Variants in TXNDC11 observed in about 807,000 individuals in gnomAD.
TXNDC11 encodes thioredoxin domain-containing protein 11.
Under a neutral mutation model 78.0 loss-of-function variants are expected in TXNDC11, and 68 were observed. The ratio of observed to expected loss-of-function variants is 0.87; its 90% CI spans 0.72 to 1.07. The LOEUF (loss-of-function observed/expected upper bound fraction) is 1.07. Among genes scored for constraint, TXNDC11 ranks in the 50% least tolerant of loss-of-function variants. TXNDC11 has a pLI of 0.00. For synonymous variants in TXNDC11, 571 were observed against 495.2 expected, an observed-to-expected ratio of 1.15 and a Z score of -2.03; for missense variants, 1,389 against 1,221.8, an observed-to-expected ratio of 1.14 and a Z score of -2.04.
chr16:11,700,329 A>G (rs2050976129), intron 6 of TXNDC11, 123 bp downstream of exon 6: 1 of 483,740 alleles, frequency 2.1e-6, no homozygotes, highest in South Asian at 4.4e-5. Flanking sequence ...CCATCCATAT[A>G]TAAAATCATA....
intron 2 of TXNDC11, 82 bp from the exon 3 acceptor site, chr16:11,734,161 TA>T (rs1454135829): frequency 1.0e-6 from 1 of 958,774 alleles, no homozygotes; most frequent in African/African-American, 1.7e-5. Flanking sequence ...AATTTAAAAA[TA>T]GAATGATTCC....
chr16:11,726,579 C>CAAAAA (rs35512803), intron 4 of TXNDC11, among the ~76,000 whole-genome samples: 1 of 82,996 alleles, frequency 1.2e-5, no homozygotes, highest in Admixed American at 1.5e-4. Flanking sequence ...GACTCCACCT[C>CAAAAA]AAAAAAAAAA....
intron 2 of TXNDC11, among the ~76,000 whole-genome samples, chr16:11,735,338 T>C (rs2052188341): frequency 6.6e-6 from 1 of 152,174 alleles, no homozygotes; most frequent in South Asian, 2.1e-4. Flanking sequence ...CATACTAAAA[T>C]ATATATCATT....
chr16:11,726,961 G>T (rs535410005), intron 4 of TXNDC11, among the ~76,000 whole-genome samples: 6 of 152,046 alleles, frequency 3.9e-5, no homozygotes, highest in Non-Finnish European at 8.8e-5. Context: ...GCTGAGGCAC[G>T]AGAATCACCT....
intron 4 of TXNDC11, among the ~76,000 whole-genome samples, chr16:11,730,287 C>T (rs545651041): frequency 6.6e-6 from 1 of 152,204 alleles, no homozygotes; most frequent in Non-Finnish European, 1.5e-5. Context: ...CCAGGTATCT[C>T]ATAGTACAAT....
At chr16:11,689,426 G>T (rs1352709080) in intron 8 of TXNDC11, among the ~76,000 whole-genome samples, 2 of 152,150 alleles carry the variant, frequency 1.3e-5, no homozygotes, top group African/African-American at 4.8e-5. Context: ...ATGAAACCAA[G>T]AATTATTTCC....
intron 1 of TXNDC11, chr16:11,742,127 G>T: frequency 3.5e-6 from 1 of 283,928 alleles, no homozygotes; most frequent in Non-Finnish European, 6.5e-6. Context: ...GAAGCTTAAG[G>T]GGAATGAAAT....
At chr16:11,710,334 C>CAG (rs1036478228) in intron 5 of TXNDC11, among the ~76,000 whole-genome samples, 1 of 92,952 alleles carries the variant, frequency 1.1e-5, no homozygotes, top group African/African-American at 5.1e-5. Flanking sequence ...AGGTCTCTGT[C>CAG]ACGTTCTCTT....
intron 5 of TXNDC11, 170 bp downstream of exon 5, chr16:11,721,407 C>G (rs1230830943): frequency 7.5e-6 from 3 of 399,248 alleles, no homozygotes; most frequent in African/African-American, 4.2e-5. Flanking sequence ...CCACTGCACT[C>G]CAGCCTGGGC....
At chr16:11,707,576 G>A (rs537673742) in intron 5 of TXNDC11, among the ~76,000 whole-genome samples, 1 of 151,784 alleles carries the variant, frequency 6.6e-6, no homozygotes, top group African/African-American at 2.4e-5. Flanking sequence ...AGCCTCCTGA[G>A]TAGCTAGGAT....
At chr16:11,704,761 G>A (rs970836788) in intron 5 of TXNDC11, among the ~76,000 whole-genome samples, 1 of 152,190 alleles carries the variant, frequency 6.6e-6, no homozygotes, top group Non-Finnish European at 1.5e-5. Context: ...GTCATAGGTT[G>A]AAGGAAACTG....
At chr16:11,710,867 CT>C (rs2051329766) in intron 5 of TXNDC11, among the ~76,000 whole-genome samples, 2 of 152,144 alleles carry the variant, frequency 1.3e-5, no homozygotes, top group Admixed American at 1.3e-4. Flanking sequence ...TCATTGGCCC[CT>C]GTCTATCTAT....
chr16:11,726,875 GAAACCCCATCTCTACTAA>G (rs2051896091), intron 4 of TXNDC11, among the ~76,000 whole-genome samples: 1 of 152,002 alleles, frequency 6.6e-6, no homozygotes, highest in African/African-American at 2.4e-5. Context: ...GCCAAATGGT[GAAACCCCATCTCTACTAA>G]AAATACAAAA....
intron 3 of TXNDC11, 119 bp from the exon 4 acceptor site, chr16:11,730,893 T>C: frequency 2.7e-6 from 2 of 741,362 alleles, no homozygotes; most frequent in East Asian, 6.2e-5. Context: ...TGCTTTGGGA[T>C]CCAACCAAGT....
intron 10 of TXNDC11, among the ~76,000 whole-genome samples, chr16:11,685,009 G>A (rs570440612): frequency 3.3e-5 from 5 of 152,376 alleles, no homozygotes; most frequent in African/African-American, 7.2e-5. Context: ...TAACTGGGGG[G>A]AGTGAGGGTG....
At chr16:11,723,260 A>AAAAAAAAAG (rs568195035) in intron 4 of TXNDC11, among the ~76,000 whole-genome samples, 4 of 149,344 alleles carry the variant, frequency 2.7e-5, no homozygotes, top group African/African-American at 5.1e-5. Flanking sequence ...AGTCCATCTC[A>AAAAAAAAAG]AAAAAAAAGA....
Position 11,691,644 on chromosome 16 carries a change from C to T in TXNDC11, c.1546G>A (p.Val516Met). Reference sequence around the variant, plus strand: ...TGTTCAGAGTCGATGAAGCCTGACACACCCCTGCTTATGGTCCTGCAACAT... The same window carrying T: ...TGTTCAGAGTCGATGAAGCCTGACATACCCCTGCTTATGGTCCTGCAACAT... ...TACCRTISRG[V>M]SGFIDSEQGV... Residue 516 changes from valine (V) to methionine (M), a missense_variant, in exon 8 of 12, where the codon GTG becomes ATG. Val to Met is a conservative substitution (Grantham distance 21, BLOSUM62 1). Coordinates refer to ENST00000283033, the MANE Select transcript of TXNDC11 (RefSeq NM_015914.7). 2 of 1,614,194 alleles carry T rather than the reference C, an allele frequency of 1.2e-6. No individual in the cohort carries two copies. Among genetic ancestry groups the T allele is most frequent in the Non-Finnish European group, 1.7e-6 (2 of 1,180,052 alleles).
intron 5 of TXNDC11, among the ~76,000 whole-genome samples, chr16:11,714,448 G>T (rs1171196583): frequency 6.6e-6 from 1 of 152,142 alleles, no homozygotes; most frequent in Non-Finnish European, 1.5e-5. Context: ...GACGATGCTG[G>T]CGAAAACGGT....
chr16:11,733,308 C>G (rs1174928280), intron 3 of TXNDC11, among the ~76,000 whole-genome samples: 2 of 151,752 alleles, frequency 1.3e-5, no homozygotes, highest in Non-Finnish European at 2.9e-5. Flanking sequence ...CGTTTTTCAG[C>G]CCTCTTTGTG....
Sources: gnomAD v4.1 joint callset for allele counts (sites outside exome capture counted in the v4.1 genomes callset) on GRCh38, gnomAD v4.1.1 for gene constraint, MANE v1.5 for transcripts, NCBI Gene and HGNC (gene_info 2026-07-23, HGNC 2026-07-21) for gene names.